The following SLC9A5 variants were observed in gnomAD, a reference collection of about 807,000 sequenced individuals.
SLC9A5 encodes the protein solute carrier family 9 member A5.
SLC9A5 carries 52 observed loss-of-function variants against 91.7 expected under a neutral mutation model. That is an observed-to-expected ratio of 0.57 (90% CI 0.45 to 0.71). The LOEUF (loss-of-function observed/expected upper bound fraction) is 0.71. Among genes scored for constraint, SLC9A5 ranks in the 30% least tolerant of loss-of-function variants. The pLI, the probability that SLC9A5 is intolerant of heterozygous loss-of-function variation, is 0.00. For missense variants in SLC9A5, 871 were observed against 1,158.9 expected (o/e 0.75, Z 3.61); for synonymous variants, 419 against 474.5 (o/e 0.88, Z 1.52).
intron 12 of SLC9A5, 27 bp from the exon 13 acceptor site, chr16:67,264,325 A>T: frequency 6.2e-7 from 1 of 1,610,382 alleles, no homozygotes. Flanking sequence ...ATCCATCCTC[A>T]TAGCCAGGCG....
intron 14 of SLC9A5, 54 bp from the exon 15 acceptor site, chr16:67,266,034 C>G: frequency 6.2e-7 from 1 of 1,603,150 alleles, no homozygotes; most frequent in Non-Finnish European, 8.5e-7. Context: ...CTGTGTAGTC[C>G]CAACAGGCAG....
intron 12 of SLC9A5, chr16:67,261,927 G>GGTGTGTGTGT (rs56311190): frequency 0.07 from 10,657 of 151,708 alleles, 454 homozygotes; most frequent in South Asian, 0.12. Flanking sequence ...GATTTGGTGA[G>GGTGTGTGTGT]GTGTGTGTGT....
In SLC9A5 at chr16:67,270,334, T is replaced by G. The variant is rs1331712493; in HGVS notation, c.2219-404T>G. On this transcript the variant is annotated intron_variant, in intron 15 of 15. Coordinates refer to ENST00000299798, the MANE Select transcript of SLC9A5 (RefSeq NM_004594.3). The surrounding 1 kb of genome is among the most constrained non-coding windows in gnomAD (Gnocchi z 4.3). ...CCGAGTACCTGGGATTACAGGCGTG[T>G]GCCACTGTGCTTGGCTAATTTTTGT... 6.6e-6 allele frequency among the ~76,000 whole-genome samples: 1 copy of G among 152,118 alleles called. No homozygotes were observed. The highest frequency in any genetic ancestry group is 1.5e-5 in the Non-Finnish European group (1 of 68,012).
chr16:67,256,009 G>T lies in SLC9A5; in HGVS notation c.911+79G>T. ...TTGCCCCTCATAGGGACACAGGCAG[G>T]AACTTCAGGAGTCCATAGGTTTCCC... On this transcript the variant is annotated intron_variant, in intron 5 of 15. Coordinates refer to ENST00000299798, the MANE Select transcript of SLC9A5 (RefSeq NM_004594.3). The surrounding 1 kb of genome is among the most constrained non-coding windows in gnomAD (Gnocchi z 4.1). 7 of 1,459,922 alleles carry T rather than the reference G, an allele frequency of 4.8e-6. No individual in the cohort carries two copies. The highest frequency in any genetic ancestry group is 5.6e-6 in the Non-Finnish European group (6 of 1,072,008). 90.4% of individuals were successfully genotyped at this position (1,459,922 alleles called of 1,614,324 possible).
chr16:67,257,134 G>A lies in SLC9A5; in HGVS notation c.1335+21G>A. On this transcript the variant is annotated intron_variant, in intron 7 of 15. Coordinates refer to ENST00000299798, the MANE Select transcript of SLC9A5 (RefSeq NM_004594.3). The surrounding 1 kb of genome is among the most constrained non-coding windows in gnomAD (Gnocchi z 5.1). The stretch of plus-strand genomic sequence containing the variant: ...TGCAGGTGGGAGTGCCCACAAGGCT[G>A]GGTAGGGAGAGGGTTGGGCAGGCCC... 6.3e-7 allele frequency: 1 copy of A among 1,598,734 alleles called. No individual in the cohort carries two copies. The highest frequency in any genetic ancestry group is 8.5e-7 in the Non-Finnish European group (1 of 1,174,158).
At position 67,259,935 on chromosome 16, in the gene SLC9A5, C is replaced by G. The variant is rs1016389176; in HGVS notation, c.1831C>G (p.Pro611Ala). 1 of 1,613,906 alleles carries G rather than the reference C, an allele frequency of 6.2e-7. No homozygotes were observed. The highest frequency in any genetic ancestry group is 8.5e-7 in the Non-Finnish European group (1 of 1,179,918). ...HHLLCGGLYK[P>A]RRRYKASCSR... ...TCTGCTCTGCGGAGGCCTCTACAAG[C>G]CGCGCCGTAGGGTGAGAGCAGGCAG... The change falls in exon 12 of 16, where the codon CCG becomes GCG. Residue 611 changes from proline (P) to alanine (A), a missense_variant. Coordinates refer to ENST00000299798, the MANE Select transcript of SLC9A5 (RefSeq NM_004594.3).
At position 67,255,304 on chromosome 16, in the gene SLC9A5, C is replaced by A. The variant is rs956724389; in HGVS notation, c.655-89C>A. ...CCCTGGGGCAGAAATATGCTGTCTGCTTTCACCCTGCTCTCCCAGCAGTCT... is the reference window on the plus strand; with the variant it reads ...CCCTGGGGCAGAAATATGCTGTCTGATTTCACCCTGCTCTCCCAGCAGTCT... On this transcript the variant is annotated intron_variant, in intron 3 of 15. Coordinates refer to ENST00000299798, the MANE Select transcript of SLC9A5 (RefSeq NM_004594.3). This position sits in a 1 kb window ranked among gnomAD's most constrained non-coding sequence, Gnocchi z 4.9. 9.6e-5 allele frequency: 147 copies of A among 1,525,940 alleles called. No homozygotes were observed. Among genetic ancestry groups the A allele is most frequent in the Non-Finnish European group, 1.2e-4 (138 of 1,111,466 alleles). 94.5% of individuals were successfully genotyped at this position (1,525,940 alleles called of 1,614,324 possible).
chr16:67,268,015 T>C lies in SLC9A5; in HGVS notation c.2218+1790T>C, dbSNP rs1299001942. Among the ~76,000 whole-genome samples the C allele has an allele frequency of 3.3e-5, 5 of 152,164 alleles. No homozygotes were observed. In the East Asian group the frequency reaches 9.7e-4, roughly 29 times the overall value. On this transcript the variant is annotated intron_variant, in intron 15 of 15. Coordinates refer to ENST00000299798, the MANE Select transcript of SLC9A5 (RefSeq NM_004594.3). ...AGTACATGTCTCTAAAATATAAGGATTCTTTTTTTTTCTTTCAAGATGGTC... is the reference window on the plus strand; with the variant it reads ...AGTACATGTCTCTAAAATATAAGGACTCTTTTTTTTTCTTTCAAGATGGTC...
At chr16:67,250,261 T>A (rs2035063749) in intron 1 of SLC9A5, among the ~76,000 whole-genome samples, 1 of 152,098 alleles carries the variant, frequency 6.6e-6, no homozygotes, top group Admixed American at 6.5e-5. Context: ...GAACTCAATA[T>A]GCCTTCCGGG....
At chr16:67,263,765 CAA>C (rs998533844) in intron 12 of SLC9A5, 1 of 152,336 alleles carries the variant, frequency 6.6e-6, no homozygotes, top group African/African-American at 2.4e-5. Context: ...GCCTGGGTGA[CAA>C]GAGCAAAACT....
chr16:67,261,569 G>A (rs2035530568), intron 12 of SLC9A5: 1 of 152,096 alleles, frequency 6.6e-6, no homozygotes, highest in Non-Finnish European at 1.5e-5. Context: ...CTTACATCCA[G>A]TCAGTATTCA....
chr16:67,265,488 G>A lies in SLC9A5; in HGVS notation c.2080+382G>A, dbSNP rs146349636. ...AGCTAGAGTGCAGTGGTGCCATCTC[G>A]GCTCACTGCAACCTCTGCCTCCTGG... On this transcript the variant is annotated intron_variant, in intron 14 of 15. Transcript: ENST00000299798. Among the ~76,000 whole-genome samples the A allele has an allele frequency of 5.8e-3, 885 of 152,182 alleles. 12 individuals are homozygous for A. The highest frequency in any genetic ancestry group is 0.021 in the African/African-American group (852 of 41,502).
Position 67,258,923 on chromosome 16 carries a change from G to A in SLC9A5, c.1626+476G>A, listed in dbSNP as rs1185887001. Among the ~76,000 whole-genome samples the A allele has an allele frequency of 2.0e-5, 3 of 150,920 alleles. No homozygotes were observed. The highest frequency in any genetic ancestry group is 7.3e-5 in the African/African-American group (3 of 40,852). ...TAGCCAGGCATGGTGGTGCATGCCT[G>A]TAATCCCAACTACTCTGGAGGCTGA... On this transcript the variant is annotated intron_variant, in intron 10 of 15. Coordinates refer to ENST00000299798, the MANE Select transcript of SLC9A5 (RefSeq NM_004594.3). The surrounding 1 kb of genome is among the most constrained non-coding windows in gnomAD (Gnocchi z 4.5).
rs752697586 is a variant in SLC9A5 at position 67,255,842 on chromosome 16, G to A, written c.823G>A (p.Val275Ile). 3.3e-5 allele frequency: 54 copies of A among 1,612,454 alleles called. No individual in the cohort carries two copies. In the South Asian group the frequency reaches 5.6e-4, roughly 17 times the overall value. ...CCTGACCACACGCTTCACCAAGCGG[G>A]TCCGCATCATCGAGCCGCTGCTGGT... ...LALTTRFTKR[V>I]RIIEPLLVFL... Residue 275 changes from valine to isoleucine, a missense_variant, in exon 5 of 16, where the codon GTC (valine) becomes ATC (isoleucine). Val to Ile is a conservative substitution (Grantham distance 29). Coordinates refer to ENST00000299798, the MANE Select transcript of SLC9A5 (RefSeq NM_004594.3). This position sits in a 1 kb window ranked among gnomAD's most constrained non-coding sequence, Gnocchi z 4.9.
rs372898190 is a variant in SLC9A5, at chr16:67,259,873, G to A, written c.1769G>A (p.Arg590His). 6.3e-5 allele frequency: 101 copies of A among 1,614,050 alleles called. No individual in the cohort carries two copies. Among genetic ancestry groups the A allele is most frequent in the East Asian group, 1.1e-4 (5 of 44,900 alleles). ...GATCTGCAGGTGATTGACACAGTAC[G>A]CAGCGGCCGGGATCGTGAGGATGCT... ...CLDLQVIDTV[R>H]SGRDREDAVM... Residue 590 changes from arginine to histidine, a missense_variant, in exon 12 of 16, where the codon CGC becomes CAC. Around this residue, in one of 3 missense-constraint regions of SLC9A5, gnomAD observed 454 missense variants for 718.3 expected, o/e 0.63. Coordinates refer to ENST00000299798, the MANE Select transcript of SLC9A5 (RefSeq NM_004594.3).
chr16:67,255,971 G>T lies in SLC9A5; in HGVS notation c.911+41G>T. 2 of 1,595,116 alleles carry T rather than the reference G, an allele frequency of 1.3e-6. No individual in the cohort carries two copies. The highest frequency in any genetic ancestry group is 8.6e-7 in the Non-Finnish European group (1 of 1,168,834). ...CTTGCAGGCAGATAGCTGGGAGGGG[G>T]CACTGGAGATGGTTGCCCCTCATAG... On this transcript the variant is annotated intron_variant, in intron 5 of 15. Transcript: ENST00000299798. The surrounding 1 kb of genome is among the most constrained non-coding windows in gnomAD (Gnocchi z 4.9).
chr16:67,252,524 A>G lies in SLC9A5; in HGVS notation c.188-18A>G. 6.2e-7 allele frequency: 1 copy of G among 1,601,588 alleles called. No individual in the cohort carries two copies. The highest frequency in any genetic ancestry group is 8.5e-7 in the Non-Finnish European group (1 of 1,173,634). ...TATTCCATAAACTGATCCATCCTGC[A>G]CTCTTTTTGCATTGCAGTGTTTCAC... On this transcript the variant is annotated intron_variant, in intron 1 of 15. Coordinates refer to ENST00000299798, the MANE Select transcript of SLC9A5 (RefSeq NM_004594.3). This position sits in a 1 kb window ranked among gnomAD's most constrained non-coding sequence, Gnocchi z 4.0.
At position 67,249,307 on chromosome 16, in the gene SLC9A5, T is replaced by C; in HGVS notation, c.187+106T>C. On this transcript the variant is annotated intron_variant, in intron 1 of 15. Transcript: ENST00000299798. ...TTGGGGCTGGCTTCTTGCACGGTGC[T>C]GGGACTTAGGTTTGGATTCCACAAA... The C allele has an allele frequency of 4.4e-6, 4 of 915,158 alleles. No individual in the cohort carries two copies. The South Asian group carries it at 1.2e-4, about 27-fold the overall frequency. The allele number at this position is 915,158 out of a possible 1,614,324, so 56.7% of individuals were successfully genotyped here.
In SLC9A5 at chr16:67,259,618, C is replaced by G. The variant is rs1198806361; in HGVS notation, c.1672C>G (p.Pro558Ala). The part of the protein sequence containing the change: ...SSTGLTLPSM[P>A]SRNSVAETSV... ...CACAGGTCTCACTCTGCCTTCTATGCCCAGCCGCAATTCTGTGGCAGAAAC... is the reference window on the plus strand; with the variant it reads ...CACAGGTCTCACTCTGCCTTCTATGGCCAGCCGCAATTCTGTGGCAGAAAC... The change falls in exon 11 of 16, where the codon CCC (proline) becomes GCC (alanine). Residue 558 changes from proline to alanine, a missense_variant. This residue lies in a region of SLC9A5 where 454 missense variants were observed against 718.3 expected (regional missense o/e 0.63). Coordinates refer to ENST00000299798, the MANE Select transcript of SLC9A5 (RefSeq NM_004594.3). The G allele has an allele frequency of 1.2e-6, 2 of 1,614,050 alleles. No homozygotes were observed. The highest frequency in any genetic ancestry group is 1.7e-6 in the Non-Finnish European group (2 of 1,180,044).
Sources: gnomAD v4.1 joint callset for allele counts (sites outside exome capture counted in the v4.1 genomes callset) on GRCh38, gnomAD v4.1.1 for gene constraint, gnomAD v4.1.1 regional missense constraint, Gnocchi (gnomAD v3.1) non-coding constraint, MANE v1.5 for transcripts, NCBI Gene and HGNC (gene_info 2026-07-23, HGNC 2026-07-21) for gene names.